Variants in STXBP3 observed in about 807,000 individuals in gnomAD.
The protein encoded by STXBP3 is syntaxin binding protein 3.
In STXBP3, 41 loss-of-function variants were observed where a neutral mutation model predicts 85.7. The observed-to-expected ratio is 0.48, with a 90% CI of 0.37 to 0.62. STXBP3 has a LOEUF of 0.62. Ranked by LOEUF, STXBP3 falls within the 20% of genes least tolerant of loss-of-function variation. The pLI, the probability that STXBP3 is intolerant of heterozygous loss-of-function variation, is 0.00. For missense variants in STXBP3, 563 were observed against 703.1 expected (o/e 0.80, Z 2.25); for synonymous variants, 229 against 231.7 (o/e 0.99, Z 0.10).
chr1:108,797,914 A>G (rs1317150542), intron 15 of STXBP3, among the ~76,000 whole-genome samples: 4 of 152,114 alleles, frequency 2.6e-5, no homozygotes, highest in Admixed American at 2.6e-4. Flanking sequence ...TTTAATAGAC[A>G]TATGTTCTGA....
At chr1:108,750,457 A>G (rs1177363641) in intron 1 of STXBP3, among the ~76,000 whole-genome samples, 1 of 152,132 alleles carries the variant, frequency 6.6e-6, no homozygotes, top group African/African-American at 2.4e-5. Flanking sequence ...AACACTTCCA[A>G]ATCTTCTCAA....
At chr1:108,762,488 T>C (rs1662160001) in intron 6 of STXBP3, among the ~76,000 whole-genome samples, 1 of 148,768 alleles carries the variant, frequency 6.7e-6, no homozygotes, top group East Asian at 1.9e-4. Context: ...TTTACTGTTA[T>C]ATCTTTTTTT....
At chr1:108,766,570 A>G (rs1237251075) in intron 6 of STXBP3, among the ~76,000 whole-genome samples, 1 of 152,206 alleles carries the variant, frequency 6.6e-6, no homozygotes, top group Non-Finnish European at 1.5e-5. Context: ...GTCACAGACT[A>G]GCAAAGAATA....
At chr1:108,770,356 G>A (rs1265936193) in intron 6 of STXBP3, among the ~76,000 whole-genome samples, 2 of 152,132 alleles carry the variant, frequency 1.3e-5, no homozygotes, top group African/African-American at 4.8e-5. Context: ...TCAGTGAGTG[G>A]GAGGGAGAAG....
intron 6 of STXBP3, among the ~76,000 whole-genome samples, chr1:108,768,327 C>T (rs889960675): frequency 1.1e-4 from 17 of 151,818 alleles, no homozygotes; most frequent in African/African-American, 3.6e-4. Flanking sequence ...CTCGAACTCC[C>T]GGGTTCAAGC....
At chr1:108,790,146 C>A (rs1662946530) in intron 11 of STXBP3, among the ~76,000 whole-genome samples, 1 of 151,640 alleles carries the variant, frequency 6.6e-6, no homozygotes, top group Non-Finnish European at 1.5e-5. Flanking sequence ...TTTTTTTTTA[C>A]CTGCTCTGTC....
intron 11 of STXBP3, among the ~76,000 whole-genome samples, chr1:108,787,081 A>G (rs1430196474): frequency 2.0e-5 from 3 of 152,106 alleles, no homozygotes; most frequent in African/African-American, 7.2e-5. Context: ...TGATTTTTGT[A>G]TATTTACCTT....
At chr1:108,749,526 A>G (rs892397415) in intron 1 of STXBP3, among the ~76,000 whole-genome samples, 2 of 152,248 alleles carry the variant, frequency 1.3e-5, no homozygotes, top group African/African-American at 4.8e-5. Context: ...CTTGAGATAT[A>G]TCCATATTTA....
intron 1 of STXBP3, among the ~76,000 whole-genome samples, chr1:108,748,660 T>A (rs1034859030): frequency 9.9e-5 from 15 of 151,400 alleles, no homozygotes; most frequent in Non-Finnish European, 1.8e-4. Context: ...GGTGAAACTC[T>A]CTCTCTATCA....
At chr1:108,775,282 T>G (rs1451376091) in intron 7 of STXBP3, among the ~76,000 whole-genome samples, 2 of 152,118 alleles carry the variant, frequency 1.3e-5, no homozygotes, top group Non-Finnish European at 2.9e-5. Context: ...CTCTTTTTTC[T>G]TAAATAATTT....
chr1:108,807,436 A>T lies in STXBP3; in HGVS notation c.1571A>T (p.Asp524Val). The T allele has an allele frequency of 6.2e-7, 1 of 1,612,342 alleles. No individual in the cohort carries two copies. Residue 524 changes from aspartate to valine, a missense_variant, in exon 18 of 19, where the codon GAC becomes GTC. Transcript: ENST00000370008. Reference protein sequence around the residue: ...RQKPRANYLEDRKNGSKLIVF... With the variant: ...RQKPRANYLEVRKNGSKLIVF... ...AAACCCAGAGCTAATTATTTAGAAGACCGAAAAAATGGGTCAAAGCTGATT... is the reference window on the plus strand; with the variant it reads ...AAACCCAGAGCTAATTATTTAGAAGTCCGAAAAAATGGGTCAAAGCTGATT...
chr1:108,773,164 G>A (rs562089900), intron 7 of STXBP3, among the ~76,000 whole-genome samples: 2 of 152,224 alleles, frequency 1.3e-5, no homozygotes, highest in South Asian at 4.2e-4. Flanking sequence ...CATATTCTCT[G>A]GATACCTGTT....
At chr1:108,767,354 CT>C in intron 6 of STXBP3, 1 of 240,960 alleles carries the variant, frequency 4.2e-6, no homozygotes, top group Non-Finnish European at 8.2e-6. Flanking sequence ...GGATTGCTTC[CT>C]CCCATTGTGA....
At chr1:108,789,941 C>T (rs1662941489) in intron 11 of STXBP3, among the ~76,000 whole-genome samples, 1 of 147,702 alleles carries the variant, frequency 6.8e-6, no homozygotes, top group South Asian at 2.1e-4. Context: ...TGGCACACAC[C>T]TGTGGCTCCA....
At chr1:108,792,178 C>T (rs961562291) in intron 11 of STXBP3, among the ~76,000 whole-genome samples, 4 of 152,146 alleles carry the variant, frequency 2.6e-5, no homozygotes, top group African/African-American at 9.7e-5. Flanking sequence ...AACTCTAGGA[C>T]ATTCATTGGA....
intron 1 of STXBP3, among the ~76,000 whole-genome samples, chr1:108,748,319 A>T (rs1312420762): frequency 6.6e-6 from 1 of 152,178 alleles, no homozygotes; most frequent in Non-Finnish European, 1.5e-5. Context: ...TGATCACCTG[A>T]GCCTAGGAGT....
Position 108,756,705 on chromosome 1 carries a change from A to G in STXBP3, c.197A>G (p.Tyr66Cys). 2.5e-6 allele frequency: 4 copies of G among 1,579,632 alleles called. No homozygotes were observed. Among genetic ancestry groups the G allele is most frequent in the Non-Finnish European group, 3.4e-6 (4 of 1,161,452 alleles). The change falls in exon 4 of 19, where the codon TAT (tyrosine) becomes TGT (cysteine). Residue 66 changes from tyrosine to cysteine, a missense_variant. Transcript: ENST00000370008. ...TTCTTGTTAGTTGTAGAGAATATTT[A>G]TAAGAACCGTGAACCTGTCAGACAA... ...EEGITVVENI[Y>C]KNREPVRQMK...
At chr1:108,772,305 TC>T (rs1662473952) in intron 6 of STXBP3, among the ~76,000 whole-genome samples, 3 of 72,912 alleles carry the variant, frequency 4.1e-5, no homozygotes, top group Admixed American at 1.2e-4. Context: ...GATATCTGTA[TC>T]ATATATAAAT....
At chr1:108,759,311 A>G (rs1662084531) in intron 5 of STXBP3, 1 of 152,186 alleles carries the variant, frequency 6.6e-6, no homozygotes, top group African/African-American at 2.4e-5. Flanking sequence ...AGTATTTGTA[A>G]TGTAACCTTA....
Sources: gnomAD v4.1 joint callset for allele counts (sites outside exome capture counted in the v4.1 genomes callset) on GRCh38, gnomAD v4.1.1 for gene constraint, MANE v1.5 for transcripts, NCBI Gene and HGNC (gene_info 2026-07-23, HGNC 2026-07-21) for gene names.